SPATA3: variants seen among roughly 807,000 people sequenced by gnomAD.
The protein encoded by SPATA3 is spermatogenesis associated 3, also known as spermatogenesis-associated protein 3.
A neutral mutation model predicts 5.7 loss-of-function variants in SPATA3; 6 were observed. The ratio of observed to expected loss-of-function variants is 1.06; its 90% CI spans 0.58 to 2.09. The LOEUF (loss-of-function observed/expected upper bound fraction) is 2.09. Ranked by LOEUF, SPATA3 falls within the 30% of genes most tolerant of loss-of-function variation. SPATA3 has a pLI of 0.00. For missense variants in SPATA3, 155 were observed against 130.4 expected (o/e 1.19, Z -0.92); for synonymous variants, 44 against 48.4 (o/e 0.91, Z 0.37).
downstream of SPATA3, among the ~76,000 whole-genome samples, chr2:231,008,369 G>A (rs1692695996): frequency 4.6e-5 from 7 of 152,212 alleles, no homozygotes; most frequent in Admixed American, 4.6e-4. Context: ...GTGGAGGGAG[G>A]ACAATGCTGA....
chr2:230,998,584 A>T (rs771550461), intron 1 of SPATA3, among the ~76,000 whole-genome samples: 3 of 152,220 alleles, frequency 2.0e-5, no homozygotes, highest in African/African-American at 7.2e-5. Context: ...CGTAGAAAGG[A>T]ATGTTGGAGA....
chr2:231,002,984 G>A (rs1692412028), downstream of SPATA3, among the ~76,000 whole-genome samples: 1 of 152,118 alleles, frequency 6.6e-6, no homozygotes, highest in South Asian at 2.1e-4. Context: ...CTCAGATGAC[G>A]CTAGACTCAT....
chr2:231,003,126 C>T (rs984760355), downstream of SPATA3, among the ~76,000 whole-genome samples: 1 of 152,194 alleles, frequency 6.6e-6, no homozygotes, highest in African/African-American at 2.4e-5. Context: ...TTTCTTGGAA[C>T]TTTCTCCCTG....
intron 2 of SPATA3, among the ~76,000 whole-genome samples, chr2:231,000,868 G>A (rs2125098434): frequency 6.6e-6 from 1 of 152,310 alleles, no homozygotes; most frequent in Admixed American, 6.5e-5. Flanking sequence ...CCTTCACAGA[G>A]TCGCTCAGGA....
intron 1 of SPATA3, chr2:230,999,541 A>G (rs922462825): frequency 2.0e-5 from 3 of 152,822 alleles, no homozygotes; most frequent in African/African-American, 7.2e-5. Context: ...CATGCAGCTT[A>G]GGGTCAGAAG....
intron 6 of SPATA3, among the ~76,000 whole-genome samples, chr2:231,018,182 C>T (rs557472154): frequency 2.2e-4 from 33 of 152,274 alleles, no homozygotes; most frequent in African/African-American, 7.7e-4. Context: ...GCCTCAGCCT[C>T]CCAAAGTGCT....
chr2:231,013,594 G>A (rs993837041), intron 5 of SPATA3, among the ~76,000 whole-genome samples: 4 of 151,800 alleles, frequency 2.6e-5, no homozygotes, highest in Non-Finnish European at 5.9e-5. Context: ...AGGTTCAAGC[G>A]ATTCTCCTGC....
At chr2:231,007,693 TG>T (rs1273248826), downstream of SPATA3, among the ~76,000 whole-genome samples, 1 of 152,196 alleles carries the variant, frequency 6.6e-6, no homozygotes, top group African/African-American at 2.4e-5. Context: ...TCACCTGTGA[TG>T]GGGAGCAGCC....
At chr2:230,996,566 C>T (rs373418473) in intron 1 of SPATA3, 32 bp downstream of exon 1, 21 of 1,544,658 alleles carry the variant, frequency 1.4e-5, no homozygotes, top group Non-Finnish European at 2.6e-6. Context: ...GCAGTTCCAG[C>T]CTTCCTGCTG....
downstream of SPATA3, among the ~76,000 whole-genome samples, chr2:231,006,224 G>A (rs1374835638): frequency 9.3e-5 from 14 of 149,752 alleles, no homozygotes; most frequent in East Asian, 4.0e-4. Flanking sequence ...AAAAAAGGCC[G>A]GGTGTGGTGG....
At chr2:231,000,971 C>T (rs539227098) in intron 2 of SPATA3, among the ~76,000 whole-genome samples, 5 of 152,352 alleles carry the variant, frequency 3.3e-5, no homozygotes, top group Middle Eastern at 3.4e-3. Flanking sequence ...GATCTGCCTA[C>T]GAATGTCGCC....
chr2:231,001,852 CTCCAACAGGAACCTCTGAAAGGT>C (rs1422580235), intron 2 of SPATA3, among the ~76,000 whole-genome samples: 1 of 152,212 alleles, frequency 6.6e-6, no homozygotes, highest in Non-Finnish European at 1.5e-5. Flanking sequence ...CTAGGAGAGG[CTCCAACAGGAACCTCTGAAAGGT>C]TCCAACAGGA....
rs112592460 is a variant in SPATA3, at chr2:231,019,526, G to A, written c.*566-194G>A. Among the ~76,000 whole-genome samples, 85 of 145,140 alleles carry A rather than the reference G, an allele frequency of 5.9e-4. 2 individuals are homozygous for A. Among genetic ancestry groups the A allele is most frequent in the Middle Eastern group, 3.9e-3 (1 of 258 alleles). On this transcript the variant is annotated intron_variant, in intron 6 of 8. Coordinates refer to the SPATA3 transcript ENST00000452881. ...TTTTTAGTAGAGATGGGGTTTCACC[G>A]TGTTAGCCGGGATGGTCTCGATCTC...
chr2:231,004,009 A>C (rs539965231), downstream of SPATA3: 1 of 152,178 alleles, frequency 6.6e-6, no homozygotes, highest in Non-Finnish European at 1.5e-5. Context: ...TAGCATGGGG[A>C]TAATGAGAAA....
chr2:231,011,072 CAA>C (rs556496371), downstream of SPATA3, among the ~76,000 whole-genome samples: 6 of 79,862 alleles, frequency 7.5e-5, no homozygotes, highest in Non-Finnish European at 1.1e-4. Context: ...GACCCTGTCT[CAA>C]AAAAAAAAAA....
intron 1 of SPATA3, chr2:230,996,292 A>G: frequency 6.4e-7 from 1 of 1,550,772 alleles, no homozygotes; most frequent in Non-Finnish European, 8.7e-7. Flanking sequence ...TCCACCTCCC[A>G]GCATGCTAGC....
chr2:231,010,794 G>A (rs2125119383), downstream of SPATA3, among the ~76,000 whole-genome samples: 1 of 152,104 alleles, frequency 6.6e-6, no homozygotes, highest in South Asian at 2.1e-4. Flanking sequence ...CTGGCCTGGT[G>A]CAGTGGCTCA....
At position 231,016,506 on chromosome 2, in the gene SPATA3, C is replaced by CA. The variant is rs749712082; in HGVS notation, c.*565+2312dup. 3.2e-3 allele frequency among the ~76,000 whole-genome samples: 223 copies of CA among 70,042 alleles called. 2 individuals are homozygous for CA. The highest frequency in any genetic ancestry group is 6.9e-3 in the African/African-American group (130 of 18,962). 46.0% of individuals were successfully genotyped at this position (70,042 alleles called of 152,430 possible). On this transcript the variant is annotated intron_variant, in intron 6 of 8. Coordinates refer to the SPATA3 transcript ENST00000452881. ...TCAACATGGTGAAACCCTGTCTCTA[C>CA]AAAAAAAAAAAAAAAAAAGAAGAAG...
At chr2:231,007,324 G>A (rs1239555008), downstream of SPATA3, 2 of 152,108 alleles carry the variant, frequency 1.3e-5, no homozygotes, top group Admixed American at 6.5e-5. Flanking sequence ...AGACATAAAA[G>A]TTGGACTTGG....
Sources: gnomAD v4.1 joint callset for allele counts (sites outside exome capture counted in the v4.1 genomes callset) on GRCh38, gnomAD v4.1.1 for gene constraint, MANE v1.5 for transcripts, NCBI Gene and HGNC (gene_info 2026-07-23, HGNC 2026-07-21) for gene names.